DBX2: variants seen among roughly 807,000 people sequenced by gnomAD.
DBX2 encodes homeobox protein DBX2.
A neutral mutation model predicts 17.7 loss-of-function variants in DBX2; 16 were observed. The ratio of observed to expected loss-of-function variants is 0.90; its 90% CI spans 0.61 to 1.37. DBX2 has a LOEUF of 1.37. Among genes scored for constraint, DBX2 ranks in the 40% most tolerant of loss-of-function variants. The probability of loss-of-function intolerance (pLI) is 0.00; values close to 1 mark genes in which losing one functional copy is unlikely to be tolerated. For synonymous variants in DBX2, 255 were observed against 183.8 expected (o/e 1.39, Z -3.13); for missense variants, 538 against 433.8 (o/e 1.24, Z -2.13).
chr12:45,044,283 C>T (rs1309997913), intron 1 of DBX2, among the ~76,000 whole-genome samples: 1 of 152,132 alleles, frequency 6.6e-6, no homozygotes, highest in Non-Finnish European at 1.5e-5. Flanking sequence ...TAGACCTAAA[C>T]TCAATCCAGC....
chr12:45,046,759 G>C (rs1320804570), intron 1 of DBX2, among the ~76,000 whole-genome samples: 1 of 152,080 alleles, frequency 6.6e-6, no homozygotes, highest in Non-Finnish European at 1.5e-5. Context: ...TTGGGAGACA[G>C]ACAAGAAAAC....
intron 2 of DBX2, among the ~76,000 whole-genome samples, chr12:45,035,441 T>C (rs1946434796): frequency 6.6e-6 from 1 of 152,202 alleles, no homozygotes; most frequent in Non-Finnish European, 1.5e-5. Flanking sequence ...TTTGAAAGTC[T>C]GTCATTCTCA....
intron 2 of DBX2, among the ~76,000 whole-genome samples, chr12:45,024,503 C>T (rs1456361337): frequency 1.3e-5 from 2 of 152,202 alleles, no homozygotes; most frequent in Admixed American, 6.5e-5. Context: ...AGGCCCAAGG[C>T]CCAAGGTCCC....
At chr12:45,031,987 T>C (rs1217496692) in intron 2 of DBX2, among the ~76,000 whole-genome samples, 1 of 152,090 alleles carries the variant, frequency 6.6e-6, no homozygotes, top group Non-Finnish European at 1.5e-5. Flanking sequence ...CCACCCCATA[T>C]TGTTAAGCAG....
intron 1 of DBX2, among the ~76,000 whole-genome samples, chr12:45,041,826 A>G (rs767250535): frequency 7.2e-5 from 11 of 152,194 alleles, no homozygotes; most frequent in Non-Finnish European, 1.0e-4. Flanking sequence ...GGAATAATTT[A>G]TATTTTTTAA....
chr12:45,040,674 A>AT (rs1472649110), intron 1 of DBX2, among the ~76,000 whole-genome samples: 3 of 151,992 alleles, frequency 2.0e-5, no homozygotes, highest in Admixed American at 6.6e-5. Context: ...AACTAGCCTG[A>AT]TTTTTTTTAA....
chr12:45,043,803 T>C (rs980930831), intron 1 of DBX2, among the ~76,000 whole-genome samples: 11 of 152,368 alleles, frequency 7.2e-5, no homozygotes, highest in African/African-American at 2.4e-4. Context: ...AATTTGCTTA[T>C]GGTGAAATGG....
At chr12:45,020,386 T>G (rs549423659) in intron 3 of DBX2, among the ~76,000 whole-genome samples, 11 of 152,126 alleles carry the variant, frequency 7.2e-5, no homozygotes, top group Non-Finnish European at 1.2e-4. Flanking sequence ...TTCTTTTTTA[T>G]GGGCAAATAA....
At chr12:45,034,464 C>T (rs1260897533) in intron 2 of DBX2, among the ~76,000 whole-genome samples, 4 of 152,134 alleles carry the variant, frequency 2.6e-5, no homozygotes, top group African/African-American at 9.7e-5. Flanking sequence ...CAGGAGACCA[C>T]CTTGAAGGAG....
chr12:45,024,514 A>G, intron 2 of DBX2, among the ~76,000 whole-genome samples: 1 of 152,220 alleles, frequency 6.6e-6, no homozygotes, highest in East Asian at 1.9e-4. Flanking sequence ...CCAAGGTCCC[A>G]GGTTACAAAG....
rs1411504220 is a variant in DBX2 at position 45,050,724 on chromosome 12, G to A, written c.204C>T (p.Thr68=). ...APHDPATALA[T]AGAQLRPLPA... is the part of the protein sequence containing the mutation. ...GCAGGGGCCGGAGCTGCGCGCCCGCGGTGGCCAGGGCGGTCGCCGGGTCGT... is the reference window on the plus strand; with the variant it reads ...GCAGGGGCCGGAGCTGCGCGCCCGCAGTGGCCAGGGCGGTCGCCGGGTCGT... The change falls in exon 1 of 4, where the codon ACC becomes ACT. Residue 68 remains threonine, a synonymous_variant. Transcript: ENST00000332700. The A allele has an allele frequency of 5.4e-6, 8 of 1,490,822 alleles. No individual in the cohort carries two copies. The highest frequency in any genetic ancestry group is 7.1e-6 in the Non-Finnish European group (8 of 1,123,552). 92.3% of individuals were successfully genotyped at this position (1,490,822 alleles called of 1,614,324 possible).
In DBX2 at chr12:45,050,707, C is replaced by A; in HGVS notation, c.221G>T (p.Arg74Leu). ...GGGAACTGGGCTAGCAGGCAGGGGC[C>A]GGAGCTGCGCGCCCGCGGTGGCCAG... is the stretch of plus-strand genomic sequence containing the variant. ...TALATAGAQL[R>L]PLPASPVPLK... is the part of the protein sequence containing the mutation. Residue 74 changes from arginine to leucine, a missense_variant, in exon 1 of 4, where the codon CGG becomes CTG. Coordinates refer to ENST00000332700, the MANE Select transcript of DBX2 (RefSeq NM_001004329.3). The A allele has an allele frequency of 6.7e-7, 1 of 1,500,156 alleles. No homozygotes were observed. The highest frequency in any genetic ancestry group is 1.5e-5 in the African/African-American group (1 of 68,352). 92.9% of individuals were successfully genotyped at this position (1,500,156 alleles called of 1,614,324 possible). A position where few individuals can be genotyped will look rare whatever the true frequency, so the allele number is the denominator to read the frequency against.
chr12:45,047,371 G>A (rs1436676055), intron 1 of DBX2, among the ~76,000 whole-genome samples: 3 of 152,060 alleles, frequency 2.0e-5, no homozygotes, highest in Admixed American at 6.5e-5. Context: ...AGCCCTGGAG[G>A]AGAACCTATT....
intron 3 of DBX2, among the ~76,000 whole-genome samples, chr12:45,022,986 C>T (rs939478812): frequency 5.9e-5 from 9 of 152,156 alleles, no homozygotes; most frequent in South Asian, 2.1e-4. Flanking sequence ...ATTTAGAAAA[C>T]GGGGATTATT....
chr12:45,039,276 GGT>G (rs1491137257), intron 1 of DBX2, among the ~76,000 whole-genome samples: 37 of 66,454 alleles, frequency 5.6e-4, no homozygotes, highest in African/African-American at 2.3e-3. Flanking sequence ...CTGCATTGAA[GGT>G]ATATATATAT....
chr12:45,038,640 ATGG>A (rs1207076411), intron 1 of DBX2, among the ~76,000 whole-genome samples: 3,937 of 149,794 alleles, frequency 0.026, 217 homozygotes, highest in African/African-American at 0.09. Flanking sequence ...TATTTTAAAA[ATGG>A]ATGGTTTACT....
rs573108342 is a variant in DBX2 at position 45,050,793 on chromosome 12, C to T, written c.135G>A (p.Arg45=). Reference sequence around the variant, plus strand: ...GCCTGGGCGTTGGGGCGCCCCCGACCCGCAGCAAATTCTCGATCAGGAAAC... The same window carrying T: ...GCCTGGGCGTTGGGGCGCCCCCGACTCGCAGCAAATTCTCGATCAGGAAAC... The part of the protein sequence containing the change: ...GKSFLIENLL[R]VGGAPTPRLQ... The change falls in exon 1 of 4, where the codon CGG becomes CGA. Residue 45 remains arginine, a synonymous_variant. Transcript: ENST00000332700. 3 of 1,529,622 alleles carry T rather than the reference C, an allele frequency of 2.0e-6. No homozygotes were observed. The highest frequency in any genetic ancestry group is 2.5e-5 in the South Asian group (2 of 81,306). 94.8% of individuals were successfully genotyped at this position (1,529,622 alleles called of 1,614,324 possible).
chr12:45,033,316 T>C (rs1946419713), intron 2 of DBX2, among the ~76,000 whole-genome samples: 1 of 152,244 alleles, frequency 6.6e-6, no homozygotes, highest in Non-Finnish European at 1.5e-5. Flanking sequence ...ATTTAATCAG[T>C]TATTAAACTT....
At chr12:45,029,911 T>TAAATAAATAAATAAATAAATAAAA in intron 2 of DBX2, among the ~76,000 whole-genome samples, 1 of 144,334 alleles carries the variant, frequency 6.9e-6, no homozygotes, top group Non-Finnish European at 1.5e-5. Flanking sequence ...AATAAATAAA[T>TAAATAAATAAATAAATAAATAAAA]AAAAATAAAG....
Sources: gnomAD v4.1 joint callset for allele counts (sites outside exome capture counted in the v4.1 genomes callset) on GRCh38, gnomAD v4.1.1 for gene constraint, MANE v1.5 for transcripts, NCBI Gene and HGNC (gene_info 2026-07-23, HGNC 2026-07-21) for gene names.